The following TPST1 variants were observed in gnomAD, a reference collection of about 807,000 sequenced individuals.
The protein encoded by TPST1 is tyrosylprotein sulfotransferase 1, also known as protein-tyrosine sulfotransferase 1.
TPST1 carries 20 observed loss-of-function variants against 34.8 expected under a neutral mutation model. That is an observed-to-expected ratio of 0.57 (90% CI 0.40 to 0.84). The LOEUF (loss-of-function observed/expected upper bound fraction) is 0.84. Ranked by LOEUF, TPST1 falls within the 40% of genes least tolerant of loss-of-function variation. The probability of loss-of-function intolerance (pLI) is 0.00; values close to 1 mark genes in which losing one functional copy is unlikely to be tolerated. For missense variants in TPST1, 353 were observed against 455.5 expected, an observed-to-expected ratio of 0.78 and a Z score of 2.05; for synonymous variants, 152 against 159.4, an observed-to-expected ratio of 0.95 and a Z score of 0.35.
At chr7:66,200,671 C>T (rs537845355), upstream of TPST1, among the ~76,000 whole-genome samples, 3 of 152,174 alleles carry the variant, frequency 2.0e-5, no homozygotes, top group Admixed American at 6.6e-5. Flanking sequence ...CCATCCGCTT[C>T]GGCCTCCCAA....
At chr7:66,224,912 T>C (rs1789618630) in intron 1 of TPST1, among the ~76,000 whole-genome samples, 1 of 103,992 alleles carries the variant, frequency 9.6e-6, no homozygotes, top group Non-Finnish European at 2.1e-5. Flanking sequence ...TTTTTTTTTT[T>C]TTTTTTTTTT....
chr7:66,229,459 T>C (rs1014239038), intron 1 of TPST1, among the ~76,000 whole-genome samples: 2 of 152,216 alleles, frequency 1.3e-5, no homozygotes, highest in Admixed American at 6.5e-5. Context: ...TCATCCAAGT[T>C]GTTGCACATA....
At chr7:66,234,201 T>A (rs1490155250) in intron 1 of TPST1, among the ~76,000 whole-genome samples, 1 of 152,208 alleles carries the variant, frequency 6.6e-6, no homozygotes, top group East Asian at 1.9e-4. Flanking sequence ...TCCCGTTACA[T>A]GGCTTTTGCA....
chr7:66,294,477 T>C (rs1791151095), intron 3 of TPST1, among the ~76,000 whole-genome samples: 1 of 152,176 alleles, frequency 6.6e-6, no homozygotes. Context: ...TCTTAGGTAT[T>C]ACTTTTATTT....
intron 2 of TPST1, among the ~76,000 whole-genome samples, chr7:66,277,978 T>C (rs1790851959): frequency 6.6e-6 from 1 of 151,948 alleles, no homozygotes. Context: ...TGGGTGCCTG[T>C]AATCCCAGCT....
intron 2 of TPST1, among the ~76,000 whole-genome samples, chr7:66,261,232 C>CTTTTTTTTT (rs36114007): frequency 1.6e-5 from 2 of 126,664 alleles, no homozygotes; most frequent in East Asian, 2.3e-4. Context: ...CGTATATTGT[C>CTTTTTTTTT]TTTTTTTTTT....
intron 3 of TPST1, among the ~76,000 whole-genome samples, chr7:66,316,889 A>G (rs1422099991): frequency 2.6e-5 from 4 of 152,200 alleles, no homozygotes; most frequent in African/African-American, 4.8e-5. Flanking sequence ...ACATGGACAC[A>G]TGGCGGAGAA....
intron 5 of TPST1, chr7:66,359,286 T>A (rs1792642942): frequency 6.8e-6 from 1 of 146,342 alleles, no homozygotes; most frequent in African/African-American, 2.6e-5. Context: ...TGAGGAGGAA[T>A]CAGGGTGCTG....
At chr7:66,303,989 G>A (rs1270263287) in intron 3 of TPST1, among the ~76,000 whole-genome samples, 2 of 152,178 alleles carry the variant, frequency 1.3e-5, no homozygotes, top group Non-Finnish European at 2.9e-5. Flanking sequence ...AAGCCCCAGA[G>A]GTTGTGGCAG....
At chr7:66,286,052 C>A (rs892748931) in intron 2 of TPST1, among the ~76,000 whole-genome samples, 1 of 152,178 alleles carries the variant, frequency 6.6e-6, no homozygotes, top group East Asian at 1.9e-4. Flanking sequence ...CTTATACCCA[C>A]CAGCTAGATT....
chr7:66,317,309 CTTA>C (rs1791654090), intron 3 of TPST1, among the ~76,000 whole-genome samples: 1 of 152,162 alleles, frequency 6.6e-6, no homozygotes, highest in Non-Finnish European at 1.5e-5. Flanking sequence ...GTTTGTCTCT[CTTA>C]TTAGTCTTTT....
rs201145256 is a variant in TPST1 at position 66,218,846 on chromosome 7, C to CA, written c.-102+13338dup. 9.0e-3 allele frequency among the ~76,000 whole-genome samples: 1,154 copies of CA among 128,114 alleles called. 16 individuals are homozygous for CA. Among genetic ancestry groups the CA allele is most frequent in the African/African-American group, 0.026 (893 of 34,980 alleles). 84.0% of individuals were successfully genotyped at this position (128,114 alleles called of 152,430 possible). A position where few individuals can be genotyped will look rare whatever the true frequency, so the allele number is the denominator to read the frequency against. On this transcript the variant is annotated intron_variant, in intron 1 of 5. Transcript: ENST00000304842. ...TGGGTGACAGAGCAAGACTCCATCT[C>CA]AAAAAAAAAAAAAATTGTTATTATA...
chr7:66,259,549 T>C lies in TPST1; in HGVS notation c.845+18279T>C, dbSNP rs75777327. Among the ~76,000 whole-genome samples the C allele has an allele frequency of 9.4e-3, 1,433 of 152,280 alleles. 11 individuals carry two copies. The highest frequency in any genetic ancestry group is 0.015 in the African/African-American group (621 of 41,554). On this transcript the variant is annotated intron_variant, in intron 2 of 5. Coordinates refer to ENST00000304842, the MANE Select transcript of TPST1 (RefSeq NM_003596.4). ...CTCCAATTACACATATATGAGACTGTTGGAAATGTTTCCATAGTTCACTGA... is the reference window on the plus strand; with the variant it reads ...CTCCAATTACACATATATGAGACTGCTGGAAATGTTTCCATAGTTCACTGA...
At chr7:66,351,729 T>TCCCA (rs1479389117) in intron 3 of TPST1, among the ~76,000 whole-genome samples, 10 of 151,962 alleles carry the variant, frequency 6.6e-5, no homozygotes, top group African/African-American at 2.4e-4. Context: ...GGAGAATGGC[T>TCCCA]ATCTTTATTA....
chr7:66,353,758 G>A (rs944778146), intron 4 of TPST1, among the ~76,000 whole-genome samples: 3 of 152,192 alleles, frequency 2.0e-5, no homozygotes, highest in Non-Finnish European at 4.4e-5. Context: ...ATAGGAAGAG[G>A]AGACTCAGTT....
intron 1 of TPST1, among the ~76,000 whole-genome samples, chr7:66,208,086 G>C (rs181579719): frequency 3.3e-5 from 5 of 152,034 alleles, no homozygotes; most frequent in African/African-American, 7.2e-5. Flanking sequence ...GCTGGAATTG[G>C]TTCCATTTCT....
At chr7:66,202,853 C>T (rs1294231312), upstream of TPST1, among the ~76,000 whole-genome samples, 1 of 152,132 alleles carries the variant, frequency 6.6e-6, no homozygotes, top group Admixed American at 6.5e-5. Context: ...CCGGGCAGAT[C>T]ATCTGAGGTC....
intron 3 of TPST1, among the ~76,000 whole-genome samples, chr7:66,308,684 C>T (rs1320000011): frequency 6.6e-6 from 1 of 152,168 alleles, no homozygotes; most frequent in Non-Finnish European, 1.5e-5. Context: ...GAATCTATTT[C>T]TCTGACAGCC....
At chr7:66,293,908 G>A (rs925112703) in intron 3 of TPST1, among the ~76,000 whole-genome samples, 4 of 152,148 alleles carry the variant, frequency 2.6e-5, no homozygotes, top group African/African-American at 7.2e-5. Context: ...TTATGCTCAC[G>A]TCTTTACAAT....
Sources: allele counts gnomAD v4.1 joint callset (sites outside exome capture counted in the v4.1 genomes callset), GRCh38; gene constraint gnomAD v4.1.1; transcripts MANE v1.5; gene names NCBI Gene and HGNC (gene_info 2026-07-23, HGNC 2026-07-21).